The following NEDD4L variants were observed in gnomAD, a reference collection of about 807,000 sequenced individuals.
The protein encoded by NEDD4L is E3 ubiquitin-protein ligase NEDD4-like.
NEDD4L carries 54 observed loss-of-function variants against 148.9 expected under a neutral mutation model. The observed-to-expected ratio is 0.36, with a 90% CI of 0.29 to 0.45. The LOEUF (loss-of-function observed/expected upper bound fraction) is 0.45. NEDD4L is among the 20% of genes least tolerant of loss of function. NEDD4L has a pLI of 1.00. For missense variants in NEDD4L, 856 were observed against 1,233.8 expected (o/e 0.69, Z 4.59); for synonymous variants, 433 against 440.7 (o/e 0.98, Z 0.22).
chr18:58,205,046 T>G (rs1305384056), intron 2 of NEDD4L, among the ~76,000 whole-genome samples: 2 of 152,220 alleles, frequency 1.3e-5, no homozygotes, highest in African/African-American at 4.8e-5. Flanking sequence ...GGTTGAGAGT[T>G]CAACCCATCA....
chr18:58,355,284 G>A (rs1402989779), intron 18 of NEDD4L, among the ~76,000 whole-genome samples: 1 of 152,222 alleles, frequency 6.6e-6, no homozygotes, highest in Non-Finnish European at 1.5e-5. Context: ...GACCACCAGA[G>A]TGAGTGACAC....
intron 2 of NEDD4L, among the ~76,000 whole-genome samples, chr18:58,237,412 C>CT (rs2046165127): frequency 6.6e-6 from 1 of 152,134 alleles, no homozygotes; most frequent in Non-Finnish European, 1.5e-5. Context: ...GAGCTGTTTT[C>CT]TTAACCTCTG....
intron 1 of NEDD4L, among the ~76,000 whole-genome samples, chr18:58,108,037 C>T (rs867934706): frequency 5.9e-5 from 9 of 152,082 alleles, no homozygotes; most frequent in Admixed American, 3.3e-4. Context: ...ACTTTTTGTG[C>T]GGTGAGAGGA....
intron 1 of NEDD4L, among the ~76,000 whole-genome samples, chr18:58,053,946 T>C (rs1368031439): frequency 6.6e-6 from 1 of 152,164 alleles, no homozygotes; most frequent in Non-Finnish European, 1.5e-5. Flanking sequence ...GGCAAGTGAG[T>C]GTTGGATGTC....
chr18:58,351,564 A>C (rs767485500), intron 18 of NEDD4L, among the ~76,000 whole-genome samples: 22 of 152,226 alleles, frequency 1.4e-4, no homozygotes, highest in Non-Finnish European at 2.1e-4. Context: ...TATATTTGCT[A>C]TAGACATTTG....
At chr18:58,369,145 T>A (rs1839447059) in intron 22 of NEDD4L, among the ~76,000 whole-genome samples, 1 of 152,192 alleles carries the variant, frequency 6.6e-6, no homozygotes, top group Non-Finnish European at 1.5e-5. Context: ...AGAAAGTGAC[T>A]TGGCTGGAGG....
intron 2 of NEDD4L, among the ~76,000 whole-genome samples, chr18:58,241,894 T>C (rs893737166): frequency 2.6e-5 from 4 of 152,026 alleles, no homozygotes; most frequent in Non-Finnish European, 5.9e-5. Flanking sequence ...GTTTGCAAAA[T>C]AGAATTTGCC....
rs570556078 is a variant in NEDD4L at position 58,325,309 on chromosome 18, C to T, written c.680+147C>T. On this transcript the variant is annotated intron_variant, in intron 9 of 30. Coordinates refer to ENST00000400345, the MANE Select transcript of NEDD4L (RefSeq NM_001144967.3). ...GTGGTACGAGATTCCTCTCCATTTA[C>T]GTAAAGCATGCAAGAGCAGTCAGAA... 88 of 942,810 alleles carry T rather than the reference C, an allele frequency of 9.3e-5. 1 individual carries two copies. In the South Asian group the frequency reaches 1.7e-3, roughly 19 times the overall value. The allele number at this position is 942,810 out of a possible 1,614,324, so 58.4% of individuals were successfully genotyped here.
chr18:58,070,949 A>C (rs1389013806), intron 1 of NEDD4L, among the ~76,000 whole-genome samples: 1 of 152,170 alleles, frequency 6.6e-6, no homozygotes, highest in Non-Finnish European at 1.5e-5. Flanking sequence ...TAGAATTGAC[A>C]CATTGTATTA....
chr18:58,347,949 A>G (rs1272084315), intron 16 of NEDD4L, among the ~76,000 whole-genome samples: 1 of 146,268 alleles, frequency 6.8e-6, no homozygotes, highest in Non-Finnish European at 1.5e-5. Flanking sequence ...TCTTAAGCTT[A>G]TTTGGTTGAT....
chr18:58,344,020 C>A (rs2042754092), intron 16 of NEDD4L, among the ~76,000 whole-genome samples: 1 of 152,150 alleles, frequency 6.6e-6, no homozygotes, highest in Non-Finnish European at 1.5e-5. Context: ...TAACTTGGTC[C>A]TACTATTATC....
intron 24 of NEDD4L, among the ~76,000 whole-genome samples, chr18:58,374,761 C>T (rs181604144): frequency 2.0e-4 from 31 of 152,270 alleles, no homozygotes; most frequent in African/African-American, 6.3e-4. Flanking sequence ...TCTCCAGTCC[C>T]CTGGAAGTGC....
chr18:58,052,398 CTTA>C (rs2081913993), intron 1 of NEDD4L, among the ~76,000 whole-genome samples: 1 of 152,062 alleles, frequency 6.6e-6, no homozygotes, highest in African/African-American at 2.4e-5. Context: ...TGAGAAAAGC[CTTA>C]TTATATAAGT....
At chr18:58,259,423 T>G (rs2049042378) in intron 5 of NEDD4L, among the ~76,000 whole-genome samples, 1 of 152,226 alleles carries the variant, frequency 6.6e-6, no homozygotes, top group Admixed American at 6.5e-5. Context: ...TTTAGTTATT[T>G]TCTTATAAAT....
chr18:58,125,134 A>C (rs2030804273), intron 1 of NEDD4L, among the ~76,000 whole-genome samples: 1 of 152,234 alleles, frequency 6.6e-6, no homozygotes. Context: ...TCATGGCCTC[A>C]AGCGATCCTC....
intron 2 of NEDD4L, 87 bp from the exon 3 acceptor site, chr18:58,245,340 T>G (rs2047130067): frequency 1.5e-6 from 1 of 665,268 alleles, no homozygotes; most frequent in Admixed American, 2.7e-5. Context: ...AGACTTTAAC[T>G]GATATTTGTA....
intron 1 of NEDD4L, among the ~76,000 whole-genome samples, chr18:58,080,144 C>T (rs1390554767): frequency 3.3e-5 from 5 of 152,112 alleles, no homozygotes; most frequent in Non-Finnish European, 7.4e-5. Context: ...AGGCTGGTCT[C>T]GAACTCCTGG....
At position 58,153,502 on chromosome 18, in the gene NEDD4L, G is replaced by A. The variant is rs562692865; in HGVS notation, c.49-12286G>A. On this transcript the variant is annotated intron_variant, in intron 1 of 30. Coordinates refer to ENST00000400345, the MANE Select transcript of NEDD4L (RefSeq NM_001144967.3). Reference sequence around the variant, plus strand: ...TTACATGCATGAGCCACCAGGCCCAGCTAATTTTTCTATTTTTAGTAGATA... The same window carrying A: ...TTACATGCATGAGCCACCAGGCCCAACTAATTTTTCTATTTTTAGTAGATA... Among the ~76,000 whole-genome samples, 31 of 152,064 alleles carry A rather than the reference G, an allele frequency of 2.0e-4. No individual in the cohort carries two copies. In the South Asian group the frequency reaches 6.3e-3, roughly 31 times the overall value.
chr18:58,248,935 A>G lies in NEDD4L; in HGVS notation c.241A>G (p.Arg81Gly). 1 of 1,478,174 alleles carries G rather than the reference A, an allele frequency of 6.8e-7. No individual in the cohort carries two copies. Among genetic ancestry groups the G allele is most frequent in the Non-Finnish European group, 9.2e-7 (1 of 1,081,622 alleles). The allele number at this position is 1,478,174 out of a possible 1,614,324, so 91.6% of individuals were successfully genotyped here. A position where few individuals can be genotyped will look rare whatever the true frequency, so the allele number is the denominator to read the frequency against. The change falls in exon 4 of 31, where the codon AGG becomes GGG. Residue 81 changes from arginine to glycine, a missense_variant and splice_region_variant. Transcript: ENST00000400345. ...NPKWNEEFYF[R>G]VNPSNHRLLF... ...AAAATGGAATGAAGAATTTTATTTC[A>G]GGGTAAGTTTTTCATTGTTTGGTAA...
Sources: gnomAD v4.1 joint callset for allele counts (sites outside exome capture counted in the v4.1 genomes callset) on GRCh38, gnomAD v4.1.1 for gene constraint, MANE v1.5 for transcripts, NCBI Gene and HGNC (gene_info 2026-07-23, HGNC 2026-07-21) for gene names.